The following HECW1 variants were observed in gnomAD, a reference collection of about 807,000 sequenced individuals.
The protein encoded by HECW1 is E3 ubiquitin-protein ligase HECW1.
Under a neutral mutation model 182.3 loss-of-function variants are expected in HECW1, and 61 were observed. That is an observed-to-expected ratio of 0.33 (90% CI 0.27 to 0.41). HECW1 has a LOEUF of 0.41. Among genes scored for constraint, HECW1 ranks in the 10% least tolerant of loss-of-function variants. The pLI is 1.00. For synonymous variants in HECW1, 859 were observed against 832.6 expected (o/e 1.03, Z -0.55); for missense variants, 1,739 against 2,108.9 (o/e 0.82, Z 3.44).
At chr7:43,302,156 G>A (rs758024901) in intron 3 of HECW1, among the ~76,000 whole-genome samples, 14 of 152,076 alleles carry the variant, frequency 9.2e-5, no homozygotes, top group South Asian at 4.1e-4. Context: ...ATGAGGACAC[G>A]ACCATGAATG....
intron 5 of HECW1, among the ~76,000 whole-genome samples, chr7:43,354,726 A>G (rs1814894916): frequency 1.3e-5 from 2 of 152,216 alleles, no homozygotes; most frequent in South Asian, 4.1e-4. Flanking sequence ...GAGCAACAGC[A>G]AGGAGAAAAT....
chr7:43,562,001 C>T lies in HECW1; in HGVS notation c.*75C>T. On this transcript the variant is annotated 3_prime_UTR_variant, in exon 30 of 30. Transcript: ENST00000395891. ...CTGGGATGATCCCCTTTTCCCTTTC[C>T]CTTAATCAACTCTCCTTTGATTTTG... is the stretch of plus-strand genomic sequence containing the variant. 1 of 815,554 alleles carries T rather than the reference C, an allele frequency of 1.2e-6. No individual in the cohort carries two copies. Among genetic ancestry groups the T allele is most frequent in the African/African-American group, 1.7e-5 (1 of 58,594 alleles). The allele number at this position is 815,554 out of a possible 1,614,324, so 50.5% of individuals were successfully genotyped here.
intron 2 of HECW1, among the ~76,000 whole-genome samples, chr7:43,157,840 C>T (rs1790058754): frequency 6.6e-6 from 1 of 152,220 alleles, no homozygotes; most frequent in Admixed American, 6.5e-5. Context: ...GGACTATAGG[C>T]ATGAGCCACC....
At chr7:43,347,306 T>C (rs1813814873) in intron 5 of HECW1, among the ~76,000 whole-genome samples, 1 of 152,174 alleles carries the variant, frequency 6.6e-6, no homozygotes, top group Non-Finnish European at 1.5e-5. Context: ...GGTTGAGTTC[T>C]TGATTTGATT....
At chr7:43,137,034 C>T (rs772045905) in intron 2 of HECW1, among the ~76,000 whole-genome samples, 11 of 152,168 alleles carry the variant, frequency 7.2e-5, no homozygotes, top group Non-Finnish European at 1.5e-4. Flanking sequence ...ACCCACCATC[C>T]AGGTCAACCT....
chr7:43,118,298 T>G (rs1461750952), intron 2 of HECW1: 1 of 152,750 alleles, frequency 6.5e-6, no homozygotes, highest in Non-Finnish European at 1.5e-5. Context: ...GTCCTGAAAT[T>G]GACATCCATT....
intron 24 of HECW1, among the ~76,000 whole-genome samples, chr7:43,529,725 T>C (rs1390541013): frequency 1.3e-5 from 2 of 152,156 alleles, no homozygotes; most frequent in Non-Finnish European, 2.9e-5. Context: ...ACTCAGGCTC[T>C]AGGCCCACCA....
rs1271694646 is a variant in HECW1 at position 43,565,573 on chromosome 7, A to T, written c.*3647A>T. The T allele has an allele frequency of 6.0e-6, 1 of 165,418 alleles. No individual in the cohort carries two copies. Among genetic ancestry groups the T allele is most frequent in the Non-Finnish European group, 1.3e-5 (1 of 78,844 alleles). 10.2% of individuals were successfully genotyped at this position (165,418 alleles called of 1,614,324 possible). On this transcript the variant is annotated 3_prime_UTR_variant, in exon 30 of 30. Transcript: ENST00000395891. ...AATGTGGTGCTTTATTATTATTATT[A>T]TTATTATTTTTATTATTATTATTAT...
At chr7:43,315,383 A>T (rs1033009736) in intron 4 of HECW1, among the ~76,000 whole-genome samples, 8 of 152,114 alleles carry the variant, frequency 5.3e-5, no homozygotes, top group Admixed American at 1.3e-4. Flanking sequence ...TGCTTCTGCA[A>T]GAGAATGGCG....
Position 43,444,857 on chromosome 7 carries a change from G to T in HECW1, c.1685G>T (p.Arg562Leu). The change falls in exon 11 of 30, where the codon CGC (arginine) becomes CTC (leucine). Residue 562 changes from arginine (R) to leucine (L), a missense_variant. Coordinates refer to ENST00000395891, the MANE Select transcript of HECW1 (RefSeq NM_015052.5). This position sits in a 1 kb window ranked among gnomAD's most constrained non-coding sequence, Gnocchi z 4.3. ...DPETPRTHYI[R>L]IHTLLHSMPS... is the part of the protein sequence containing the mutation. Reference sequence around the variant, plus strand: ...GAGACCCCGCGGACACACTACATCCGCATCCACACCCTGCTGCACAGCATG... The same window carrying T: ...GAGACCCCGCGGACACACTACATCCTCATCCACACCCTGCTGCACAGCATG... 1.2e-6 allele frequency: 2 copies of T among 1,612,876 alleles called. No individual in the cohort carries two copies. Among genetic ancestry groups the T allele is most frequent in the South Asian group, 1.1e-5 (1 of 90,954 alleles).
intron 1 of HECW1, chr7:43,113,954 C>G (rs1483553887): frequency 3.5e-6 from 1 of 286,522 alleles, no homozygotes; most frequent in Non-Finnish European, 6.6e-6. Flanking sequence ...GGCAGGGACA[C>G]AGGCTGCAGA....
Position 43,501,287 on chromosome 7 carries a change from G to T in HECW1, c.3596G>T (p.Arg1199Leu), listed in dbSNP as rs201959497. The T allele has an allele frequency of 2.5e-6, 4 of 1,603,664 alleles. No homozygotes were observed. The highest frequency in any genetic ancestry group is 1.7e-4 in the Middle Eastern group (1 of 6,038). Residue 1199 changes from arginine (R) to leucine (L), a missense_variant, in exon 21 of 30, where the codon CGA (arginine) becomes CTA (leucine). Coordinates refer to ENST00000395891, the MANE Select transcript of HECW1 (RefSeq NM_015052.5). ...AFHPGYSFSP[R>L]CSPCSSPQNS... ...CACCCTGGGTATAGCTTCTCTCCCC[G>T]ATGTTCACCCTGTTCTTCACCTCAG...
intron 3 of HECW1, among the ~76,000 whole-genome samples, chr7:43,250,296 G>A (rs1799893399): frequency 6.6e-6 from 1 of 152,050 alleles, no homozygotes; most frequent in Non-Finnish European, 1.5e-5. Flanking sequence ...TGAAATGAGG[G>A]GTCTGTGACA....
intron 7 of HECW1, among the ~76,000 whole-genome samples, chr7:43,401,134 A>G (rs897248531): frequency 1.3e-5 from 2 of 152,214 alleles, no homozygotes; most frequent in African/African-American, 2.4e-5. Flanking sequence ...ATAGGCTCCA[A>G]GGATTAGGAT....
At position 43,517,621 on chromosome 7, in the gene HECW1, T is replaced by C. The variant is rs371039151; in HGVS notation, c.4019+8500T>C. Among the ~76,000 whole-genome samples, 12 of 152,288 alleles carry C rather than the reference T, an allele frequency of 7.9e-5. No individual in the cohort carries two copies. The East Asian group carries it at 1.5e-3, about 20-fold the overall frequency. ...AAACCACAACATTATGAGATCCCAC[T>C]GGGTGTCTCATGGCCCTTCAACCTC... is the stretch of plus-strand genomic sequence containing the variant. On this transcript the variant is annotated intron_variant, in intron 24 of 29. Transcript: ENST00000395891.
At chr7:43,157,374 A>T (rs1235199323) in intron 2 of HECW1, among the ~76,000 whole-genome samples, 2 of 152,214 alleles carry the variant, frequency 1.3e-5, no homozygotes, top group Non-Finnish European at 2.9e-5. Context: ...TATAAAAAAA[A>T]AGTTTTTACA....
intron 2 of HECW1, among the ~76,000 whole-genome samples, chr7:43,176,016 C>CA (rs1454237416): frequency 2.6e-5 from 4 of 152,176 alleles, no homozygotes; most frequent in Non-Finnish European, 5.9e-5. Context: ...CTCAGTGAGC[C>CA]ATGTAGTGTT....
Position 43,562,390 on chromosome 7 carries a change from A to G in HECW1, c.*464A>G, listed in dbSNP as rs76050353. On this transcript the variant is annotated 3_prime_UTR_variant, in exon 30 of 30. Coordinates refer to ENST00000395891, the MANE Select transcript of HECW1 (RefSeq NM_015052.5). ...ATTTCTAATAACCAACTCCAGAACT[A>G]GGAGCTGATCAACTCTTTGTTTTCC... 0.014 allele frequency: 3,139 copies of G among 229,434 alleles called. 106 individuals are homozygous for G. Among genetic ancestry groups the G allele is most frequent in the African/African-American group, 0.065 (2,953 of 45,168 alleles). 14.2% of individuals were successfully genotyped at this position (229,434 alleles called of 1,614,324 possible). A position where few individuals can be genotyped will look rare whatever the true frequency, so the allele number is the denominator to read the frequency against.
At chr7:43,321,475 C>G (rs1360013445) in intron 5 of HECW1, among the ~76,000 whole-genome samples, 1 of 152,086 alleles carries the variant, frequency 6.6e-6, no homozygotes, top group African/African-American at 2.4e-5. Flanking sequence ...ACATACGAAG[C>G]TCAGATTATG....
Sources: allele counts gnomAD v4.1 joint callset (sites outside exome capture counted in the v4.1 genomes callset), GRCh38; gene constraint gnomAD v4.1.1; non-coding constraint Gnocchi (gnomAD v3.1); transcripts MANE v1.5; gene names NCBI Gene and HGNC (gene_info 2026-07-23, HGNC 2026-07-21).